Variants in LRRTM4 observed in about 807,000 individuals in gnomAD.
LRRTM4 encodes leucine-rich repeat transmembrane neuronal protein 4.
A neutral mutation model predicts 47.6 loss-of-function variants in LRRTM4; 25 were observed. The ratio of observed to expected loss-of-function variants is 0.53; its 90% CI spans 0.38 to 0.73. LRRTM4 has a LOEUF of 0.73. Among genes scored for constraint, LRRTM4 ranks in the 30% least tolerant of loss-of-function variants. The pLI, the probability that LRRTM4 is intolerant of heterozygous loss-of-function variation, is 0.00. For synonymous variants in LRRTM4, 311 were observed against 269.5 expected (o/e 1.15, Z -1.51); for missense variants, 638 against 713.4 (o/e 0.89, Z 1.20).
chr2:77,174,596 C>T (rs1487629970), intron 3 of LRRTM4, among the ~76,000 whole-genome samples: 1 of 152,016 alleles, frequency 6.6e-6, no homozygotes, highest in Non-Finnish European at 1.5e-5. Context: ...TGCTGGAGGG[C>T]CCTTTAAGAT....
chr2:77,347,234 T>C (rs1671596911), intron 3 of LRRTM4, among the ~76,000 whole-genome samples: 1 of 152,196 alleles, frequency 6.6e-6, no homozygotes, highest in African/African-American at 2.4e-5. Context: ...CCAGGAGCTG[T>C]GATAGCTTCA....
chr2:77,223,903 A>T (rs1674722884), intron 3 of LRRTM4, among the ~76,000 whole-genome samples: 3 of 152,256 alleles, frequency 2.0e-5, no homozygotes, highest in African/African-American at 4.8e-5. Context: ...CATTGCCAAG[A>T]CAATCCTAAG....
At chr2:77,233,997 G>A (rs1290273506) in intron 3 of LRRTM4, among the ~76,000 whole-genome samples, 3 of 151,980 alleles carry the variant, frequency 2.0e-5, no homozygotes, top group Non-Finnish European at 4.4e-5. Flanking sequence ...GGATATCACC[G>A]TGTTGGCCAG....
At chr2:76,885,161 T>C (rs1165078443) in intron 3 of LRRTM4, among the ~76,000 whole-genome samples, 2 of 152,006 alleles carry the variant, frequency 1.3e-5, no homozygotes, top group Admixed American at 1.3e-4. Flanking sequence ...ACTGTAAATA[T>C]TTTAAAAACC....
chr2:76,812,673 C>CTCTT (rs5832252), intron 3 of LRRTM4, among the ~76,000 whole-genome samples: 44,670 of 147,684 alleles, frequency 0.3, 7,023 homozygotes, highest in Admixed American at 0.35. Context: ...TACAAATAAG[C>CTCTT]TCTTTCTTTC....
At chr2:76,758,909 TA>T (rs1475661455) in intron 3 of LRRTM4, among the ~76,000 whole-genome samples, 4 of 152,200 alleles carry the variant, frequency 2.6e-5, no homozygotes, top group Non-Finnish European at 5.9e-5. Context: ...AGTCTGCCTT[TA>T]TCATGAGAGA....
At chr2:76,903,727 C>G (rs1413458425) in intron 3 of LRRTM4, among the ~76,000 whole-genome samples, 8 of 152,030 alleles carry the variant, frequency 5.3e-5, no homozygotes, top group Non-Finnish European at 7.4e-5. Flanking sequence ...CTATAAAGCA[C>G]TTTTATTACA....
At chr2:77,297,828 T>G (rs1677015116) in intron 3 of LRRTM4, among the ~76,000 whole-genome samples, 1 of 152,214 alleles carries the variant, frequency 6.6e-6, no homozygotes, top group Non-Finnish European at 1.5e-5. Flanking sequence ...AATTTGAGCT[T>G]CTCCAAAACA....
At chr2:76,974,165 T>TAC (rs199806177) in intron 3 of LRRTM4, among the ~76,000 whole-genome samples, 10 of 80,670 alleles carry the variant, frequency 1.2e-4, no homozygotes, top group African/African-American at 6.8e-4. Context: ...CATATATATA[T>TAC]ATACATACAT....
chr2:77,306,574 T>C (rs953924307), intron 3 of LRRTM4, among the ~76,000 whole-genome samples: 1 of 152,202 alleles, frequency 6.6e-6, no homozygotes, highest in African/African-American at 2.4e-5. Flanking sequence ...AATATCGCTC[T>C]CCTCTTCTTC....
rs116143608 is a variant in LRRTM4, at chr2:76,823,147, C to A, written c.1552-74231G>T. Among the ~76,000 whole-genome samples the A allele has an allele frequency of 5.2e-3, 794 of 151,344 alleles. 5 individuals are homozygous for A. Among genetic ancestry groups the A allele is most frequent in the African/African-American group, 0.018 (726 of 41,420 alleles). ...CAGAAAGAAAAGATCACATATTAAT[C>A]TTGATGCCATGATTACATATAGAAA... On this transcript the variant is annotated intron_variant, in intron 3 of 3. Transcript: ENST00000409884.
At chr2:77,414,968 A>C (rs2103867893) in intron 3 of LRRTM4, among the ~76,000 whole-genome samples, 1 of 152,318 alleles carries the variant, frequency 6.6e-6, no homozygotes, top group South Asian at 2.1e-4. Flanking sequence ...AAGGGAGAGA[A>C]GATAGCCTCT....
intron 3 of LRRTM4, among the ~76,000 whole-genome samples, chr2:76,866,356 G>A (rs891763049): frequency 6.6e-6 from 1 of 152,164 alleles, no homozygotes; most frequent in African/African-American, 2.4e-5. Context: ...ATCTCATCTT[G>A]AACATTTTCC....
chr2:76,913,603 G>A (rs1008982388), intron 3 of LRRTM4, among the ~76,000 whole-genome samples: 4 of 145,274 alleles, frequency 2.8e-5, no homozygotes, highest in African/African-American at 1.0e-4. Context: ...GCAATTGCGC[G>A]ATCTTGGCTC....
At chr2:77,522,081 G>A (rs1472090227) in intron 1 of LRRTM4, 28 bp downstream of exon 1, 1 of 715,688 alleles carries the variant, frequency 1.4e-6, no homozygotes, top group Non-Finnish European at 2.6e-6. Context: ...TGTAAAAAGA[G>A]AGGAAAAAAA....
intron 3 of LRRTM4, among the ~76,000 whole-genome samples, chr2:77,182,210 G>T (rs776996313): frequency 2.0e-5 from 3 of 152,082 alleles, no homozygotes; most frequent in African/African-American, 4.8e-5. Context: ...AGAAAATGTG[G>T]TATATATACA....
intron 3 of LRRTM4, among the ~76,000 whole-genome samples, chr2:76,877,513 A>G (rs183903086): frequency 5.3e-5 from 8 of 152,256 alleles, no homozygotes; most frequent in Admixed American, 2.6e-4. Context: ...GATTATTGGA[A>G]TTTTAAATCA....
intron 3 of LRRTM4, among the ~76,000 whole-genome samples, chr2:77,162,215 G>A (rs926965759): frequency 2.9e-4 from 44 of 152,276 alleles, no homozygotes; most frequent in African/African-American, 6.3e-4. Context: ...ACGGAGCCTC[G>A]CTCACTGCTA....
chr2:76,933,967 A>T (rs1282767279), intron 3 of LRRTM4, among the ~76,000 whole-genome samples: 1 of 152,126 alleles, frequency 6.6e-6, no homozygotes, highest in Non-Finnish European at 1.5e-5. Context: ...AGTCTGTCCT[A>T]TTCAGATACA....
Sources: gnomAD v4.1 joint callset for allele counts (sites outside exome capture counted in the v4.1 genomes callset) on GRCh38, gnomAD v4.1.1 for gene constraint, MANE v1.5 for transcripts, NCBI Gene and HGNC (gene_info 2026-07-23, HGNC 2026-07-21) for gene names.